MEGF6: variants seen among roughly 807,000 people sequenced by gnomAD.
The protein encoded by MEGF6 is multiple epidermal growth factor-like domains protein 6.
A neutral mutation model predicts 207.1 loss-of-function variants in MEGF6; 184 were observed. The observed-to-expected ratio is 0.89, with a 90% CI of 0.79 to 1.00. The LOEUF (loss-of-function observed/expected upper bound fraction) is 1.00. Ranked by LOEUF, MEGF6 falls within the 50% of genes least tolerant of loss-of-function variation. The pLI is 0.00. For missense variants in MEGF6, 2,282 were observed against 2,202.9 expected (o/e 1.04, Z -0.72); for synonymous variants, 1,038 against 910.0 (o/e 1.14, Z -2.53).
Position 3,505,550 on chromosome 1 carries a change from G to A in MEGF6, c.1925C>T (p.Pro642Leu), listed in dbSNP as rs748960509. ...GCAGCCCGGCCCAAAGGCCCACGGC[G>A]GGCAGGCTGCACCCACAGAACCGTT... ...LYGRFCHLTC[P>L]PWAFGPGCSE... The change falls in exon 16 of 37, where the codon CCG becomes CTG. Residue 642 changes from proline to leucine, a missense_variant. Pro to Leu is a moderately conservative substitution (Grantham distance 98, BLOSUM62 -3). Transcript: ENST00000356575. The A allele has an allele frequency of 1.6e-5, 25 of 1,576,868 alleles. No homozygotes were observed. Among genetic ancestry groups the A allele is most frequent in the East Asian group, 4.6e-5 (2 of 43,356 alleles).
At chr1:3,584,568 A>C (rs1395333840) in intron 3 of MEGF6, among the ~76,000 whole-genome samples, 1 of 151,986 alleles carries the variant, frequency 6.6e-6, no homozygotes, top group Non-Finnish European at 1.5e-5. Context: ...ACTAAGCATC[A>C]CTCTGGACTC....
At chr1:3,566,025 G>T (rs778482541) in intron 4 of MEGF6, among the ~76,000 whole-genome samples, 1 of 152,168 alleles carries the variant, frequency 6.6e-6, no homozygotes, top group Non-Finnish European at 1.5e-5. Flanking sequence ...CTCCCCCAGC[G>T]CTCTCAGCAG....
In MEGF6 at chr1:3,558,582, G is replaced by A. The variant is rs74324014; in HGVS notation, c.481+21243C>T. Among the ~76,000 whole-genome samples the A allele has an allele frequency of 0.011, 1,709 of 152,200 alleles. 83 individuals carry two copies. In the East Asian group the frequency reaches 0.15, roughly 13 times the overall value. ...GTTTTCCCTATTTGGAAAGAGTTTC[G>A]TTCTAAGCCAACTGGGATCAGCTTA... is the stretch of plus-strand genomic sequence containing the variant. On this transcript the variant is annotated intron_variant, in intron 4 of 36. Coordinates refer to ENST00000356575, the MANE Select transcript of MEGF6 (RefSeq NM_001409.4).
At chr1:3,492,599 G>A (rs755186641) in intron 35 of MEGF6, 40 bp downstream of exon 35, 3 of 1,595,616 alleles carry the variant, frequency 1.9e-6, no homozygotes. Flanking sequence ...CTGATTGGGG[G>A]ATGGTGCCTT....
rs1643611431 is a variant in MEGF6, at chr1:3,575,320, G to A, written c.481+4505C>T. Among the ~76,000 whole-genome samples, 3 of 152,236 alleles carry A rather than the reference G, an allele frequency of 2.0e-5. No homozygotes were observed. In the South Asian group the frequency reaches 6.2e-4, roughly 32 times the overall value. On this transcript the variant is annotated intron_variant, in intron 4 of 36. Transcript: ENST00000356575. ...GTCTGATGAAACTGATACTCTGATGGGACCCCAAAGTCCTCCCAGGGACAG... is the reference window on the plus strand; with the variant it reads ...GTCTGATGAAACTGATACTCTGATGAGACCCCAAAGTCCTCCCAGGGACAG...
chr1:3,499,324 G>A (rs1217107167), intron 23 of MEGF6, 58 bp from the exon 24 acceptor site: 4 of 1,541,722 alleles, frequency 2.6e-6, no homozygotes, highest in Admixed American at 1.9e-5. Context: ...GGGGTTGGCA[G>A]CAGATCACAG....
chr1:3,585,252 T>A (rs530105250), intron 3 of MEGF6, among the ~76,000 whole-genome samples: 1 of 125,658 alleles, frequency 8.0e-6, no homozygotes, highest in Non-Finnish European at 1.7e-5. Context: ...GTGAGTGACA[T>A]ATGTCCTGTG....
rs543839387 is a variant in MEGF6 at position 3,508,608 on chromosome 1, A to G, written c.1610T>C (p.Leu537Pro). 1.9e-6 allele frequency: 3 copies of G among 1,613,508 alleles called. No individual in the cohort carries two copies. In the South Asian group the frequency reaches 3.3e-5, roughly 18 times the overall value. Residue 537 changes from leucine (L) to proline (P), a missense_variant, in exon 13 of 37, where the codon CTG (leucine) becomes CCG (proline). Leu to Pro is a moderately conservative substitution (Grantham distance 98). Coordinates refer to ENST00000356575, the MANE Select transcript of MEGF6 (RefSeq NM_001409.4). ...CRNGGTCLLGLDGCDCPEGWT... is the reference protein window; with the variant it reads ...CRNGGTCLLGPDGCDCPEGWT... ...GCCCTCGGGGCAATCACAGCCATCCAGGCCCAGGAGGCAGGTCCCTCCGTT... is the reference window on the plus strand; with the variant it reads ...GCCCTCGGGGCAATCACAGCCATCCGGGCCCAGGAGGCAGGTCCCTCCGTT...
At chr1:3,527,612 C>G (rs555767709) in intron 4 of MEGF6, among the ~76,000 whole-genome samples, 2 of 152,204 alleles carry the variant, frequency 1.3e-5, no homozygotes, top group Non-Finnish European at 2.9e-5. Flanking sequence ...AAAGGGTTAA[C>G]GGGCCCCCAA....
intron 5 of MEGF6, 83 bp from the exon 6 acceptor site, chr1:3,515,610 T>C (rs1641515167): frequency 6.6e-7 from 1 of 1,523,028 alleles, no homozygotes; most frequent in Non-Finnish European, 8.9e-7. Flanking sequence ...GAGCAGGGAG[T>C]GGCATGGCCA....
chr1:3,509,953 T>C lies in MEGF6; in HGVS notation c.1274A>G (p.His425Arg). The C allele has an allele frequency of 6.3e-7, 1 of 1,581,554 alleles. No individual in the cohort carries two copies. Among genetic ancestry groups the C allele is most frequent in the Non-Finnish European group, 8.6e-7 (1 of 1,168,488 alleles). The stretch of plus-strand genomic sequence containing the variant: ...GGAGCCGGCCAGGTTGGTGCAGTGG[T>C]GCTCGCAGCCGCCACGGCTGGAGGC... ...ECASSRGGCE[H>R]HCTNLAGSFQ... is the part of the protein sequence containing the mutation. The change falls in exon 11 of 37, where the codon CAC becomes CGC. Residue 425 changes from histidine to arginine, a missense_variant. By Grantham distance (29) the His-to-Arg change is conservative (BLOSUM62 0). Transcript: ENST00000356575.
intron 4 of MEGF6, among the ~76,000 whole-genome samples, chr1:3,541,553 C>T (rs1234126066): frequency 6.6e-6 from 1 of 152,162 alleles, no homozygotes; most frequent in East Asian, 1.9e-4. Context: ...AATCAGGCCC[C>T]CTTGCCCACT....
rs1644027092 is a variant in MEGF6, at chr1:3,594,456, A to G, written c.376+882T>C. Among the ~76,000 whole-genome samples the G allele has an allele frequency of 6.6e-6, 1 of 152,134 alleles. No homozygotes were observed. On this transcript the variant is annotated intron_variant, in intron 3 of 36. Coordinates refer to ENST00000356575, the MANE Select transcript of MEGF6 (RefSeq NM_001409.4). This position sits in a 1 kb window ranked among gnomAD's most constrained non-coding sequence, Gnocchi z 4.2. ...AAAAATAAACATAAAAAGTAACAAA[A>G]TAAAAATGTGGGGAGTGCGTGACTC...
In MEGF6 at chr1:3,608,407, G is replaced by A. The variant is rs369917327; in HGVS notation, c.131+2731C>T. On this transcript the variant is annotated intron_variant, in intron 1 of 36. Coordinates refer to ENST00000356575, the MANE Select transcript of MEGF6 (RefSeq NM_001409.4). ...GCTGCCTTCTACACCCTGGGGTCGG[G>A]GAGCAGGCCTGCTGACAACCTGCAG... 3.9e-5 allele frequency among the ~76,000 whole-genome samples: 6 copies of A among 152,160 alleles called. No individual in the cohort carries two copies. In the East Asian group the frequency reaches 9.6e-4, roughly 24 times the overall value.
upstream of MEGF6, among the ~76,000 whole-genome samples, chr1:3,613,949 G>T (rs1038742830): frequency 1.3e-5 from 2 of 152,136 alleles, no homozygotes; most frequent in African/African-American, 4.8e-5. Flanking sequence ...GCAGCTGGGG[G>T]AAGAGTCCTG....
chr1:3,503,388 CTTT>C (rs1285790641), intron 17 of MEGF6, among the ~76,000 whole-genome samples: 2 of 152,132 alleles, frequency 1.3e-5, no homozygotes, highest in African/African-American at 4.8e-5. Context: ...GAGTGTTGAT[CTTT>C]CTATCAACAC....
intron 4 of MEGF6, among the ~76,000 whole-genome samples, chr1:3,568,851 G>A (rs1643421530): frequency 6.6e-6 from 1 of 152,164 alleles, no homozygotes; most frequent in Admixed American, 6.5e-5. Context: ...GAACCCACAA[G>A]GGCCTGCAGA....
intron 2 of MEGF6, among the ~76,000 whole-genome samples, chr1:3,598,199 C>G (rs571549942): frequency 1.1e-4 from 16 of 152,306 alleles, no homozygotes; most frequent in African/African-American, 3.6e-4. Flanking sequence ...GCCAAGGCAG[C>G]CGGGCTGCCG....
chr1:3,549,601 C>T (rs929799887), intron 4 of MEGF6, among the ~76,000 whole-genome samples: 1 of 152,196 alleles, frequency 6.6e-6, no homozygotes, highest in Non-Finnish European at 1.5e-5. Flanking sequence ...AAGGGTCCAT[C>T]AATTCACCGA....
Sources: gnomAD v4.1 joint callset for allele counts (sites outside exome capture counted in the v4.1 genomes callset) on GRCh38, gnomAD v4.1.1 for gene constraint, Gnocchi (gnomAD v3.1) non-coding constraint, MANE v1.5 for transcripts, NCBI Gene and HGNC (gene_info 2026-07-23, HGNC 2026-07-21) for gene names.